Variants in SPTA1 observed in about 807,000 individuals in gnomAD.
SPTA1 encodes spectrin alpha chain, erythrocytic 1.
Under a neutral mutation model 324.7 loss-of-function variants are expected in SPTA1, and 177 were observed. The ratio of observed to expected loss-of-function variants is 0.55; its 90% CI spans 0.48 to 0.62. The LOEUF (loss-of-function observed/expected upper bound fraction) is 0.62, where lower values mean the gene tolerates loss of function less well. Ranked by LOEUF, SPTA1 falls within the 20% of genes least tolerant of loss-of-function variation. The pLI is 0.00. For missense variants in SPTA1, 3,162 were observed against 2,883.6 expected (o/e 1.10, Z -2.21); for synonymous variants, 1,195 against 1,041.3 (o/e 1.15, Z -2.84).
chr1:158,681,226 T>C (rs1654785223), intron 4 of SPTA1, among the ~76,000 whole-genome samples: 1 of 151,990 alleles, frequency 6.6e-6, no homozygotes, highest in Admixed American at 6.6e-5. Flanking sequence ...AGCAAAAACA[T>C]AGGAGAAGGA....
intron 41 of SPTA1, 114 bp downstream of exon 41, chr1:158,626,725 A>G: frequency 7.7e-7 from 1 of 1,292,004 alleles, no homozygotes; most frequent in Non-Finnish European, 1.1e-6. Context: ...AGGAATGGGT[A>G]GTGATGGAAA....
In SPTA1 at chr1:158,671,343, T is replaced by C. The variant is rs761620712; in HGVS notation, c.1599A>G (p.Ile533Met). Reference sequence around the variant, plus strand: ...GCCCAAACTAGGGCCAATTTCTTACTATGATCTTCTCTTCCTGGGCAGTAA... The same window carrying C: ...GCCCAAACTAGGGCCAATTTCTTACCATGATCTTCTCTTCCTGGGCAGTAA... ...EAFTAQEEKIITVDKTATKLI... is the reference protein window; with the variant it reads ...EAFTAQEEKIMTVDKTATKLI... The change falls in exon 12 of 52, where the codon ATA (isoleucine) becomes ATG (methionine). Residue 533 changes from isoleucine to methionine, a missense_variant and splice_region_variant. Physicochemically the swap from Ile to Met is conservative, Grantham distance 10. Transcript: ENST00000643759. 2.5e-6 allele frequency: 4 copies of C among 1,613,052 alleles called. No individual in the cohort carries two copies. The highest frequency in any genetic ancestry group is 1.7e-5 in the Admixed American group (1 of 59,950).
Position 158,611,263 on chromosome 1 carries a change from A to G in SPTA1, c.*1T>C, listed in dbSNP as rs200530620. 168 of 1,613,424 alleles carry G rather than the reference A, an allele frequency of 1.0e-4. No individual in the cohort carries two copies. The highest frequency in any genetic ancestry group is 1.3e-4 in the Non-Finnish European group (158 of 1,179,668). On this transcript the variant is annotated 3_prime_UTR_variant, in exon 52 of 52. Coordinates refer to ENST00000643759, the MANE Select transcript of SPTA1 (RefSeq NM_003126.4). Reference sequence around the variant, plus strand: ...TTCTACGATCCACGAGGAGCTGCTTATTAGTTGCCAAAGTAGGAATTGGTG... The same window carrying G: ...TTCTACGATCCACGAGGAGCTGCTTGTTAGTTGCCAAAGTAGGAATTGGTG...
intron 22 of SPTA1, among the ~76,000 whole-genome samples, 186 bp downstream of exon 22, chr1:158,653,088 T>C (rs1046299131): frequency 1.3e-5 from 2 of 152,214 alleles, no homozygotes; most frequent in African/African-American, 4.8e-5. Context: ...GGAATGATTC[T>C]GGGGTTGCCT....
rs537087579 is a variant in SPTA1 at position 158,650,007 on chromosome 1, G to A, written c.3478-60C>T. 1.3e-4 allele frequency: 144 copies of A among 1,130,444 alleles called. 1 individual carries two copies. The highest frequency in any genetic ancestry group is 2.8e-4 in the South Asian group (22 of 78,908). 70.0% of individuals were successfully genotyped at this position (1,130,444 alleles called of 1,614,324 possible). A position where few individuals can be genotyped will look rare whatever the true frequency, so the allele number is the denominator to read the frequency against. ...GAACTAACTCACATGGCTCAGTGGC[G>A]TCTGAAGACCAGACAAGATTTAAAA... On this transcript the variant is annotated intron_variant, in intron 24 of 51. Transcript: ENST00000643759.
At chr1:158,642,666 G>T in intron 32 of SPTA1, 124 bp from the exon 33 acceptor site, 1 of 1,566,822 alleles carries the variant, frequency 6.4e-7, no homozygotes, top group Non-Finnish European at 8.8e-7. Context: ...GACTTCTGAA[G>T]AACCTGCTCC....
rs766589185 is a variant in SPTA1, at chr1:158,669,764, T to C, written c.1622A>G (p.Lys541Arg). The change falls in exon 13 of 52, where the codon AAA (lysine) becomes AGA (arginine). Residue 541 changes from lysine (K) to arginine (R), a missense_variant. Physicochemically the swap from Lys to Arg is conservative, Grantham distance 26 (BLOSUM62 2). Transcript: ENST00000643759. ...KIITVDKTATKLIGDDHYDSE... is the reference protein window; with the variant it reads ...KIITVDKTATRLIGDDHYDSE... Reference sequence around the variant, plus strand: ...ATCATAATGGTCATCACCAATCAATTTGGTTGCAGTCTTGTCTACAGTCTG... The same window carrying C: ...ATCATAATGGTCATCACCAATCAATCTGGTTGCAGTCTTGTCTACAGTCTG... 2 of 1,614,008 alleles carry C rather than the reference T, an allele frequency of 1.2e-6. No homozygotes were observed. The highest frequency in any genetic ancestry group is 1.7e-5 in the Admixed American group (1 of 60,000).
chr1:158,643,815 G>A (rs1256966480), intron 30 of SPTA1, among the ~76,000 whole-genome samples: 2 of 152,106 alleles, frequency 1.3e-5, no homozygotes, highest in Non-Finnish European at 2.9e-5. Flanking sequence ...AAGCTGCCCT[G>A]CCTGCCTCAG....
At chr1:158,614,157 C>T (rs1649416636) in intron 49 of SPTA1, 96 bp downstream of exon 49, 17 of 1,046,764 alleles carry the variant, frequency 1.6e-5, no homozygotes, top group Non-Finnish European at 1.5e-6. Flanking sequence ...ATTTAAGATT[C>T]CACCAAGCCT....
rs1351548060 is a variant in SPTA1, at chr1:158,647,535, C to A, written c.3896+4G>T. The stretch of plus-strand genomic sequence containing the variant: ...AGACACGGAAGTTACCCACCCCACT[C>A]TACCTGGCCTTGCTGAGGAACAGGT... On this transcript the variant is annotated splice_donor_region_variant and intron_variant, in intron 27 of 51. Transcript: ENST00000643759. 1.2e-6 allele frequency: 2 copies of A among 1,612,846 alleles called. No homozygotes were observed. Among genetic ancestry groups the A allele is most frequent in the African/African-American group, 2.7e-5 (2 of 74,876 alleles).
intron 14 of SPTA1, among the ~76,000 whole-genome samples, chr1:158,668,296 G>T (rs142684693): frequency 6.6e-6 from 1 of 152,232 alleles, no homozygotes; most frequent in African/African-American, 2.4e-5. Context: ...CTTAGATATG[G>T]CTTGAAGATC....
chr1:158,656,974 G>A (rs530799016), intron 19 of SPTA1, among the ~76,000 whole-genome samples: 5 of 152,258 alleles, frequency 3.3e-5, no homozygotes, highest in Non-Finnish European at 5.9e-5. Flanking sequence ...CTTAAAATAT[G>A]CATACCAATA....
rs182430449 is a variant in SPTA1 at position 158,638,129 on chromosome 1, A to G, written c.5093T>C (p.Val1698Ala). ...GTGGTGTGCAGCTGCCAATTCTTGG[A>G]CATTCAGGAAACGCTTGTTGACATT... ...KDNVNKRFLNVQELAAAHHEK... is the reference protein window; with the variant it reads ...KDNVNKRFLNAQELAAAHHEK... The change falls in exon 36 of 52, where the codon GTC becomes GCC. Residue 1698 changes from valine to alanine, a missense_variant. Transcript: ENST00000643759. 48 of 1,614,070 alleles carry G rather than the reference A, an allele frequency of 3.0e-5. No homozygotes were observed. In the East Asian group the frequency reaches 1.0e-3, roughly 34 times the overall value.
At chr1:158,619,391 A>G in intron 44 of SPTA1, 57 bp from the exon 45 acceptor site, 1 of 1,558,386 alleles carries the variant, frequency 6.4e-7, no homozygotes, top group Non-Finnish European at 8.9e-7. Flanking sequence ...CTTTGCCATA[A>G]GAGAATTGGT....
At position 158,636,584 on chromosome 1, in the gene SPTA1, A is replaced by G. The variant is rs1477895183; in HGVS notation, c.5310+57T>C. Reference sequence around the variant, plus strand: ...TAGCACCCTCTTATTTATCTGTAACACAAGGGGTTGCTATAGGATGATTTC... The same window carrying G: ...TAGCACCCTCTTATTTATCTGTAACGCAAGGGGTTGCTATAGGATGATTTC... On this transcript the variant is annotated intron_variant, in intron 37 of 51. Coordinates refer to ENST00000643759, the MANE Select transcript of SPTA1 (RefSeq NM_003126.4). 3 of 1,597,580 alleles carry G rather than the reference A, an allele frequency of 1.9e-6. No individual in the cohort carries two copies. The African/African-American group carries it at 4.0e-5, about 21-fold the overall frequency.
At chr1:158,677,959 T>C in intron 6 of SPTA1, 125 bp from the exon 7 acceptor site, 1 of 1,186,898 alleles carries the variant, frequency 8.4e-7, no homozygotes. Flanking sequence ...TCTTCCTACA[T>C]ACTAGCAAAA....
Position 158,611,215 on chromosome 1 carries a change from A to C in SPTA1, c.*49T>G. The C allele has an allele frequency of 1.2e-6, 2 of 1,607,484 alleles. No individual in the cohort carries two copies. The highest frequency in any genetic ancestry group is 1.7e-6 in the Non-Finnish European group (2 of 1,175,800). On this transcript the variant is annotated 3_prime_UTR_variant, in exon 52 of 52. Transcript: ENST00000643759. ...TTGCCTGTACTCTTTGCCCCCCAGT[A>C]AATTTCCCACGACACTAAGATTTTC...
At chr1:158,620,122 GT>G in intron 44 of SPTA1, 47 bp downstream of exon 44, 1 of 1,604,842 alleles carries the variant, frequency 6.2e-7, no homozygotes, top group Non-Finnish European at 8.5e-7. Context: ...TAATAAAGTG[GT>G]TATGTTCACT....
At chr1:158,634,012 T>C (rs1449165231) in intron 39 of SPTA1, among the ~76,000 whole-genome samples, 1 of 152,326 alleles carries the variant, frequency 6.6e-6, no homozygotes, top group East Asian at 1.9e-4. Context: ...CGTCAAAATT[T>C]ACATTAACTC....
Sources: allele counts gnomAD v4.1 joint callset (sites outside exome capture counted in the v4.1 genomes callset), GRCh38; gene constraint gnomAD v4.1.1; transcripts MANE v1.5; gene names NCBI Gene and HGNC (gene_info 2026-07-23, HGNC 2026-07-21).